Variants in MAF observed in about 807,000 individuals in gnomAD.
The protein encoded by MAF is transcription factor Maf.
A neutral mutation model predicts 22.0 loss-of-function variants in MAF; 10 were observed. That is an observed-to-expected ratio of 0.45 (90% CI 0.28 to 0.77). The LOEUF (loss-of-function observed/expected upper bound fraction) is 0.77. Among genes scored for constraint, MAF ranks in the 30% least tolerant of loss-of-function variants. MAF has a pLI of 0.12. For missense variants in MAF, 544 were observed against 548.4 expected (o/e 0.99, Z 0.08); for synonymous variants, 337 against 255.8 (o/e 1.32, Z -3.03).
At chr16:79,422,508 G>C in the MAF span, among the ~76,000 whole-genome samples, 3 of 152,152 alleles carry the variant, frequency 2.0e-5, no homozygotes, top group African/African-American at 4.8e-5. Context: ...CAGTCATAGA[G>C]ATTCAATGAG....
the MAF span, among the ~76,000 whole-genome samples, chr16:79,469,549 G>C: frequency 2.0e-5 from 3 of 152,184 alleles, no homozygotes; most frequent in Admixed American, 6.5e-5. Context: ...TCATTGCAGA[G>C]CTAGGTATTT....
the MAF span, among the ~76,000 whole-genome samples, chr16:79,429,020 A>G: frequency 1.3e-5 from 2 of 152,068 alleles, no homozygotes; most frequent in East Asian, 1.9e-4. Flanking sequence ...TTTCGAGTCC[A>G]TCCTTGGGCA....
the MAF span, among the ~76,000 whole-genome samples, chr16:79,344,305 G>A: frequency 6.6e-6 from 1 of 152,192 alleles, no homozygotes; most frequent in Admixed American, 6.5e-5. Context: ...GTGACTAAGG[G>A]CGATTAGACC....
the MAF span, among the ~76,000 whole-genome samples, chr16:79,403,554 C>G: frequency 1.3e-5 from 2 of 152,158 alleles, no homozygotes; most frequent in African/African-American, 4.8e-5. Flanking sequence ...CTCTTTGCCT[C>G]CCTTAATGCC....
chr16:79,466,283 G>A, the MAF span, among the ~76,000 whole-genome samples: 141 of 152,282 alleles, frequency 9.3e-4, 1 homozygote, highest in South Asian at 8.3e-3. Context: ...AGGCTGCAGG[G>A]TGACATGCTC....
At chr16:79,221,118 G>T in the MAF span, among the ~76,000 whole-genome samples, 2 of 152,230 alleles carry the variant, frequency 1.3e-5, no homozygotes, top group African/African-American at 4.8e-5. Context: ...TACTGAGAAA[G>T]TTCGAAGACT....
At chr16:79,226,061 T>C in the MAF span, among the ~76,000 whole-genome samples, 1 of 152,168 alleles carries the variant, frequency 6.6e-6, no homozygotes, top group African/African-American at 2.4e-5. Flanking sequence ...ATCATTCTAC[T>C]ATAAAGACAA....
At chr16:79,223,367 G>A in the MAF span, among the ~76,000 whole-genome samples, 1 of 152,012 alleles carries the variant, frequency 6.6e-6, no homozygotes, top group African/African-American at 2.4e-5. Flanking sequence ...AAACCAGTGT[G>A]TAGAGGGAAA....
the MAF span, among the ~76,000 whole-genome samples, chr16:79,339,042 T>C: frequency 6.6e-6 from 1 of 151,968 alleles, no homozygotes; most frequent in Non-Finnish European, 1.5e-5. Context: ...CAAGGCTTTT[T>C]AATTTTTTAT....
the MAF span, among the ~76,000 whole-genome samples, chr16:79,402,403 G>C: frequency 6.6e-6 from 1 of 152,218 alleles, no homozygotes; most frequent in Non-Finnish European, 1.5e-5. Flanking sequence ...TGCTCTCAGA[G>C]AGTTCAGGCC....
chr16:79,262,951 A>G, the MAF span, among the ~76,000 whole-genome samples: 2 of 152,228 alleles, frequency 1.3e-5, no homozygotes, highest in Non-Finnish European at 2.9e-5. Flanking sequence ...GAGTAGGACA[A>G]TCAGATACAC....
chr16:79,247,217 A>G, the MAF span, among the ~76,000 whole-genome samples: 1 of 152,242 alleles, frequency 6.6e-6, no homozygotes, highest in African/African-American at 2.4e-5. Context: ...CAGAGGCAAG[A>G]ATGAGCCTGG....
chr16:79,219,276 C>A, the MAF span, among the ~76,000 whole-genome samples: 4 of 152,162 alleles, frequency 2.6e-5, no homozygotes, highest in African/African-American at 9.7e-5. Flanking sequence ...AATGTCTCAT[C>A]TGATGCTGGG....
At chr16:79,533,772 G>A in the MAF span, among the ~76,000 whole-genome samples, 2 of 152,160 alleles carry the variant, frequency 1.3e-5, no homozygotes, top group Admixed American at 6.5e-5. Context: ...CCTCCCAGCC[G>A]ATTAGCTCTG....
At chr16:79,286,460 G>A in the MAF span, among the ~76,000 whole-genome samples, 1 of 152,232 alleles carries the variant, frequency 6.6e-6, no homozygotes, top group South Asian at 2.1e-4. Context: ...CAACTACTTA[G>A]TGGGTTCTTG....
chr16:79,532,955 C>G, the MAF span, among the ~76,000 whole-genome samples: 50 of 152,252 alleles, frequency 3.3e-4, no homozygotes, highest in African/African-American at 1.1e-3. Context: ...TGGGTCTTTG[C>G]CGACATCTGA....
the MAF span, among the ~76,000 whole-genome samples, chr16:79,522,519 T>C: frequency 1.3e-5 from 2 of 152,304 alleles, no homozygotes; most frequent in Admixed American, 1.3e-4. Context: ...AGGGTGACTA[T>C]CCTGTAGCCG....
At chr16:79,433,207 T>C in the MAF span, among the ~76,000 whole-genome samples, 3 of 151,490 alleles carry the variant, frequency 2.0e-5, no homozygotes, top group Non-Finnish European at 4.4e-5. Context: ...TTATACTCCT[T>C]TTCTCTCGCA....
At chr16:79,331,300 G>A in the MAF span, among the ~76,000 whole-genome samples, 1 of 152,172 alleles carries the variant, frequency 6.6e-6, no homozygotes, top group Non-Finnish European at 1.5e-5. Context: ...GGAAGACTTG[G>A]GGTGAGGAAC....
Sources: allele counts gnomAD v4.1 joint callset (sites outside exome capture counted in the v4.1 genomes callset), GRCh38; gene constraint gnomAD v4.1.1; transcripts MANE v1.5; gene names NCBI Gene and HGNC (gene_info 2026-07-23, HGNC 2026-07-21).